Variants in GFRA2 observed in about 807,000 individuals in gnomAD.
The protein encoded by GFRA2 is GDNF family receptor alpha-2.
GFRA2 carries 17 observed loss-of-function variants against 48.3 expected under a neutral mutation model. That is an observed-to-expected ratio of 0.35 (90% CI 0.24 to 0.53). The LOEUF is 0.53. Among genes scored for constraint, GFRA2 ranks in the 20% least tolerant of loss-of-function variants. The pLI, the probability that GFRA2 is intolerant of heterozygous loss-of-function variation, is 0.93. For synonymous variants in GFRA2, 305 were observed against 257.2 expected (o/e 1.19, Z -1.78); for missense variants, 660 against 637.3 (o/e 1.04, Z -0.38).
At chr8:21,753,694 C>T (rs1315011495) in intron 3 of GFRA2, among the ~76,000 whole-genome samples, 3 of 152,074 alleles carry the variant, frequency 2.0e-5, no homozygotes, top group Non-Finnish European at 4.4e-5. Context: ...GATTACACAT[C>T]GAAGGGGTAT....
chr8:21,770,816 A>C (rs1806402017), intron 3 of GFRA2, among the ~76,000 whole-genome samples: 1 of 151,850 alleles, frequency 6.6e-6, no homozygotes, highest in Non-Finnish European at 1.5e-5. Flanking sequence ...CTCTAGCCCC[A>C]CAAGTCCACA....
intron 3 of GFRA2, among the ~76,000 whole-genome samples, chr8:21,758,410 A>G (rs1805696082): frequency 6.6e-6 from 1 of 152,062 alleles, no homozygotes; most frequent in Non-Finnish European, 1.5e-5. Context: ...GAGGTTCCCC[A>G]TCCTGTAAAG....
Position 21,750,336 on chromosome 8 carries a change from A to AAAT in GFRA2, c.794+249_794+251dup. Among the ~76,000 whole-genome samples the AAAT allele has an allele frequency of 6.6e-6, 1 of 152,338 alleles. No homozygotes were observed. The highest frequency in any genetic ancestry group is 1.9e-4 in the East Asian group (1 of 5,186). ...TTCCCCAGCTGAGCACAAAGTAAGCAAATGATAAACCTGTTCTGAGTGAAT... is the reference window on the plus strand; with the variant it reads ...TTCCCCAGCTGAGCACAAAGTAAGCAAATAATGATAAACCTGTTCTGAGTGAAT... On this transcript the variant is annotated intron_variant, in intron 4 of 8. Coordinates refer to ENST00000524240, the MANE Select transcript of GFRA2 (RefSeq NM_001495.5). The surrounding 1 kb of genome is among the most constrained non-coding windows in gnomAD (Gnocchi z 5.7).
intron 4 of GFRA2, among the ~76,000 whole-genome samples, chr8:21,726,345 A>G (rs1377754478): frequency 6.6e-6 from 1 of 152,228 alleles, no homozygotes; most frequent in Non-Finnish European, 1.5e-5. Context: ...TGAACAAGAC[A>G]GTCCTTCTCT....
chr8:21,804,199 T>TGC (rs1385845844), intron 2 of GFRA2, among the ~76,000 whole-genome samples: 1 of 123,430 alleles, frequency 8.1e-6, no homozygotes, highest in Non-Finnish European at 1.5e-5. Flanking sequence ...CATACATACA[T>TGC]GCACACACAC....
chr8:21,775,621 A>G (rs1047067947), intron 2 of GFRA2, among the ~76,000 whole-genome samples: 6 of 152,114 alleles, frequency 3.9e-5, no homozygotes, highest in Non-Finnish European at 7.4e-5. Flanking sequence ...CAGGTCACTG[A>G]GGAGGACAGA....
chr8:21,699,586 C>A (rs903298274), intron 7 of GFRA2, among the ~76,000 whole-genome samples: 1 of 152,178 alleles, frequency 6.6e-6, no homozygotes, highest in South Asian at 2.1e-4. Context: ...CAACCATCGC[C>A]CGTCTCCCTG....
chr8:21,779,483 C>G (rs973047330), intron 2 of GFRA2: 1 of 152,248 alleles, frequency 6.6e-6, no homozygotes, highest in African/African-American at 2.4e-5. Flanking sequence ...CCCACCCGAA[C>G]CCGCTGCCCA....
chr8:21,705,915 G>A lies in GFRA2; in HGVS notation c.904+17C>T, dbSNP rs772726897. The A allele has an allele frequency of 8.7e-6, 13 of 1,491,502 alleles. No individual in the cohort carries two copies. The highest frequency in any genetic ancestry group is 9.2e-7 in the Non-Finnish European group (1 of 1,091,756). 92.4% of individuals were successfully genotyped at this position (1,491,502 alleles called of 1,614,324 possible). A position where few individuals can be genotyped will look rare whatever the true frequency, so the allele number is the denominator to read the frequency against. ...CAGCAAGGACCCACAGAGCCCAGGT[G>A]AGCAGGAAGAGCTTACCAATCATGC... On this transcript the variant is annotated intron_variant, in intron 5 of 8. Transcript: ENST00000524240.
At chr8:21,745,269 C>T (rs1804949685) in intron 4 of GFRA2, among the ~76,000 whole-genome samples, 1 of 152,240 alleles carries the variant, frequency 6.6e-6, no homozygotes, top group Non-Finnish European at 1.5e-5. Context: ...CAAGATTCCC[C>T]CTGCAGGAGG....
intron 3 of GFRA2, among the ~76,000 whole-genome samples, chr8:21,773,616 A>G (rs1460975625): frequency 6.6e-6 from 1 of 152,254 alleles, no homozygotes; most frequent in Non-Finnish European, 1.5e-5. Context: ...TCAAACCTTC[A>G]AGACAAAATG....
In GFRA2 at chr8:21,788,722, C is replaced by G; in HGVS notation, c.-563G>C. 1 of 983,184 alleles carries G rather than the reference C, an allele frequency of 1.0e-6. No individual in the cohort carries two copies. The highest frequency in any genetic ancestry group is 1.2e-6 in the Non-Finnish European group (1 of 828,328). The allele number at this position is 983,184 out of a possible 1,614,324, so 60.9% of individuals were successfully genotyped here. A position where few individuals can be genotyped will look rare whatever the true frequency, so the allele number is the denominator to read the frequency against. ...TTCGCACCAAGACGAAGACAAGATT[C>G]AAAAAAATCTTCTCCCGCTAACCCT... On this transcript the variant is annotated 5_prime_UTR_variant, in exon 1 of 9. Transcript: ENST00000524240.
chr8:21,757,782 A>G (rs1005207156), intron 3 of GFRA2, among the ~76,000 whole-genome samples: 3 of 152,162 alleles, frequency 2.0e-5, no homozygotes, highest in African/African-American at 7.2e-5. Context: ...GATTACAGGC[A>G]TGAGCCACCA....
upstream of GFRA2, chr8:21,790,113 A>T (rs1274350475): frequency 8.1e-6 from 8 of 984,838 alleles, no homozygotes; most frequent in Non-Finnish European, 8.4e-6. Context: ...GCCCAGAAGG[A>T]CCTAAAAGGA....
At chr8:21,769,231 G>A in intron 3 of GFRA2, 2 of 965,720 alleles carry the variant, frequency 2.1e-6, no homozygotes, top group Non-Finnish European at 2.5e-6. Flanking sequence ...CTCCTCCGAA[G>A]TCTGGCCCCA....
intron 3 of GFRA2, among the ~76,000 whole-genome samples, chr8:21,758,142 C>T (rs1386558149): frequency 1.3e-5 from 2 of 151,662 alleles, no homozygotes; most frequent in Non-Finnish European, 2.9e-5. Flanking sequence ...GATTCTGAGG[C>T]CACCTTCCAA....
intron 3 of GFRA2, among the ~76,000 whole-genome samples, chr8:21,760,514 A>G (rs1396442861): frequency 1.3e-5 from 2 of 152,246 alleles, no homozygotes; most frequent in African/African-American, 4.8e-5. Context: ...AGATGGAGAT[A>G]TCATTTCACG....
intron 4 of GFRA2, among the ~76,000 whole-genome samples, chr8:21,724,854 G>T (rs1033214557): frequency 1.2e-4 from 19 of 152,148 alleles, no homozygotes; most frequent in African/African-American, 4.3e-4. Context: ...ATCATACAGA[G>T]TCCTTGATGG....
intron 2 of GFRA2, among the ~76,000 whole-genome samples, chr8:21,794,549 C>A (rs1807635404): frequency 6.6e-6 from 1 of 152,354 alleles, no homozygotes; most frequent in Non-Finnish European, 1.5e-5. Flanking sequence ...CCACACCCAG[C>A]TGACCACTTT....
Sources: gnomAD v4.1 joint callset for allele counts (sites outside exome capture counted in the v4.1 genomes callset) on GRCh38, gnomAD v4.1.1 for gene constraint, Gnocchi (gnomAD v3.1) non-coding constraint, MANE v1.5 for transcripts, NCBI Gene and HGNC (gene_info 2026-07-23, HGNC 2026-07-21) for gene names.